SLC14A2: variants seen among roughly 807,000 people sequenced by gnomAD.
SLC14A2 encodes solute carrier family 14 member 2.
SLC14A2 carries 91 observed loss-of-function variants against 104.6 expected under a neutral mutation model. That is an observed-to-expected ratio of 0.87 (90% CI 0.73 to 1.04). The LOEUF (loss-of-function observed/expected upper bound fraction) is 1.04. SLC14A2 is among the 50% of genes least tolerant of loss of function. The pLI is 0.00. For synonymous variants in SLC14A2, 476 were observed against 466.4 expected, an observed-to-expected ratio of 1.02 and a Z score of -0.27; for missense variants, 1,189 against 1,156.0, an observed-to-expected ratio of 1.03 and a Z score of -0.41.
At chr18:45,650,016 G>A (rs1482448373) in intron 10 of SLC14A2, among the ~76,000 whole-genome samples, 1 of 152,084 alleles carries the variant, frequency 6.6e-6, no homozygotes, top group African/African-American at 2.4e-5. Context: ...TTTGATTATT[G>A]GTTTCCCTCC....
chr18:45,633,942 C>T (rs144696300), intron 5 of SLC14A2, among the ~76,000 whole-genome samples: 23 of 152,270 alleles, frequency 1.5e-4, no homozygotes, highest in East Asian at 1.2e-3. Flanking sequence ...ATGCCCCCCA[C>T]GTTCCTGCCT....
intron 17 of SLC14A2, 43 bp from the exon 18 acceptor site, chr18:45,673,640 A>G (rs1167869894): frequency 6.3e-7 from 1 of 1,596,006 alleles, no homozygotes; most frequent in Non-Finnish European, 8.6e-7. Flanking sequence ...GATGGGCCCC[A>G]TAAGACCCTA....
chr18:45,462,053 AG>A (rs2087055106), intron 1 of SLC14A2, among the ~76,000 whole-genome samples: 1 of 152,210 alleles, frequency 6.6e-6, no homozygotes, highest in Non-Finnish European at 1.5e-5. Flanking sequence ...GCCCTCTCCA[AG>A]CACCAGAAAA....
chr18:45,624,836 A>T (rs1287711815), intron 2 of SLC14A2, 22 bp downstream of exon 2: 1 of 1,585,928 alleles, frequency 6.3e-7, no homozygotes, highest in Non-Finnish European at 8.6e-7. Flanking sequence ...CCCTCCTAGG[A>T]TGTTTCCTGG....
intron 1 of SLC14A2, among the ~76,000 whole-genome samples, chr18:45,354,955 TATG>T (rs2085537484): frequency 6.6e-6 from 1 of 152,202 alleles, no homozygotes; most frequent in Non-Finnish European, 1.5e-5. Context: ...TTTTAAGAAG[TATG>T]ATATCTTAAA....
intron 2 of SLC14A2, among the ~76,000 whole-genome samples, chr18:45,552,731 G>C (rs1383882053): frequency 6.6e-6 from 1 of 152,212 alleles, no homozygotes; most frequent in African/African-American, 2.4e-5. Flanking sequence ...CATAGAACAG[G>C]TGTGTGATGG....
intron 1 of SLC14A2, among the ~76,000 whole-genome samples, chr18:45,343,112 CCA>C (rs2085412895): frequency 1.3e-5 from 2 of 151,658 alleles, no homozygotes; most frequent in Non-Finnish European, 2.9e-5. Flanking sequence ...TTAGTCCTAT[CCA>C]TGCTGCTGCT....
In SLC14A2 at chr18:45,293,012, G is replaced by A. The variant is rs546014495; in HGVS notation, c.-125+79821G>A. 6.5e-3 allele frequency among the ~76,000 whole-genome samples: 984 copies of A among 152,004 alleles called. 7 individuals carry two copies. Among genetic ancestry groups the A allele is most frequent in the African/African-American group, 0.022 (899 of 41,444 alleles). ...GCCCCTGCCCCCCCGCAAAAAAAAAGTGACTCCGTCCATGCTTTCCAGATT... is the reference window on the plus strand; with the variant it reads ...GCCCCTGCCCCCCCGCAAAAAAAAAATGACTCCGTCCATGCTTTCCAGATT... On this transcript the variant is annotated intron_variant, in intron 1 of 20. Transcript: ENST00000586448.
intron 1 of SLC14A2, among the ~76,000 whole-genome samples, chr18:45,473,658 C>T (rs1024705640): frequency 1.3e-5 from 2 of 152,172 alleles, no homozygotes; most frequent in Admixed American, 6.6e-5. Context: ...CAGGAGTTCA[C>T]TCATGATTTG....
chr18:45,559,692 T>C (rs909232404), intron 2 of SLC14A2, among the ~76,000 whole-genome samples: 6 of 152,244 alleles, frequency 3.9e-5, no homozygotes, highest in African/African-American at 1.4e-4. Context: ...ACCTTCATTG[T>C]TGTCACCTTA....
chr18:45,297,020 G>A (rs1214216431), intron 1 of SLC14A2, among the ~76,000 whole-genome samples: 1 of 152,136 alleles, frequency 6.6e-6, no homozygotes, highest in Non-Finnish European at 1.5e-5. Flanking sequence ...TTGATTTAAA[G>A]TTACATGCTG....
chr18:45,172,545 C>G, the SLC14A2 span, among the ~76,000 whole-genome samples: 1 of 152,098 alleles, frequency 6.6e-6, no homozygotes, highest in South Asian at 2.1e-4. Flanking sequence ...ATTTATTTAT[C>G]AGTGGTTTAG....
chr18:45,317,317 C>T (rs1331984833), intron 1 of SLC14A2, among the ~76,000 whole-genome samples: 1 of 152,178 alleles, frequency 6.6e-6, no homozygotes, highest in Non-Finnish European at 1.5e-5. Flanking sequence ...AGTCACTGAG[C>T]ATCTACTATG....
At chr18:45,478,275 C>G (rs566565213) in intron 1 of SLC14A2, among the ~76,000 whole-genome samples, 1 of 152,160 alleles carries the variant, frequency 6.6e-6, no homozygotes, top group Non-Finnish European at 1.5e-5. Flanking sequence ...GGTGAGGCAA[C>G]GCCCCACCCT....
chr18:45,618,262 A>G (rs991724257), intron 1 of SLC14A2, among the ~76,000 whole-genome samples: 12 of 152,208 alleles, frequency 7.9e-5, no homozygotes, highest in African/African-American at 2.9e-4. Context: ...CTCTCCTTGC[A>G]TCAATTGCAA....
At chr18:45,276,594 T>C (rs1798824242) in intron 1 of SLC14A2, among the ~76,000 whole-genome samples, 1 of 152,252 alleles carries the variant, frequency 6.6e-6, no homozygotes, top group Non-Finnish European at 1.5e-5. Context: ...GATTTAATTT[T>C]TTTAAGTTAT....
chr18:45,274,967 G>A (rs1312733522), intron 1 of SLC14A2, among the ~76,000 whole-genome samples: 2 of 152,198 alleles, frequency 1.3e-5, no homozygotes, highest in Non-Finnish European at 2.9e-5. Context: ...CTGTAGAGAT[G>A]CGTTGACTGA....
intron 1 of SLC14A2, among the ~76,000 whole-genome samples, chr18:45,449,160 T>C (rs572113790): frequency 2.0e-5 from 3 of 152,330 alleles, no homozygotes; most frequent in South Asian, 4.1e-4. Context: ...TGCCCTGCAG[T>C]ATATTGCCTG....
At chr18:45,203,004 TG>T in the SLC14A2 span, among the ~76,000 whole-genome samples, 1 of 152,202 alleles carries the variant, frequency 6.6e-6, no homozygotes, top group South Asian at 2.1e-4. Flanking sequence ...TGGTTCTGGC[TG>T]GGGCCGCTGA....
Sources: allele counts gnomAD v4.1 joint callset (sites outside exome capture counted in the v4.1 genomes callset), GRCh38; gene constraint gnomAD v4.1.1; transcripts MANE v1.5; gene names NCBI Gene and HGNC (gene_info 2026-07-23, HGNC 2026-07-21).